The following CDH13 variants were observed in gnomAD, a reference collection of about 807,000 sequenced individuals.
The protein encoded by CDH13 is cadherin 13.
Under a neutral mutation model 63.8 loss-of-function variants are expected in CDH13, and 24 were observed. The ratio of observed to expected loss-of-function variants is 0.38; its 90% confidence interval spans 0.27 to 0.53. CDH13 has a LOEUF of 0.53. CDH13 is among the 20% of genes least tolerant of loss of function. The pLI, the probability that CDH13 is intolerant of heterozygous loss-of-function variation, is 0.85. For synonymous variants in CDH13, 503 were observed against 355.3 expected (o/e 1.42, Z -4.67); for missense variants, 1,049 against 903.1 (o/e 1.16, Z -2.07).
intron 2 of CDH13, among the ~76,000 whole-genome samples, chr16:82,891,113 G>A (rs1330112267): frequency 6.8e-6 from 1 of 147,432 alleles, no homozygotes; most frequent in East Asian, 2.0e-4. Flanking sequence ...CAGAACTCAT[G>A]TCATACTGCC....
intron 1 of CDH13, among the ~76,000 whole-genome samples, chr16:82,796,504 C>A (rs1221362175): frequency 6.6e-6 from 1 of 152,188 alleles, no homozygotes; most frequent in Admixed American, 6.5e-5. Context: ...ACCCCACCAT[C>A]GTGGAATTTA....
At chr16:83,684,502 A>G (rs1567514345) in intron 10 of CDH13, among the ~76,000 whole-genome samples, 1 of 152,222 alleles carries the variant, frequency 6.6e-6, no homozygotes, top group Admixed American at 6.5e-5. Context: ...TGGTTACATT[A>G]GGGAGGCAGC....
chr16:82,912,739 C>T (rs564470067), intron 2 of CDH13, among the ~76,000 whole-genome samples: 30 of 152,164 alleles, frequency 2.0e-4, no homozygotes, highest in Non-Finnish European at 2.9e-4. Flanking sequence ...GTCAGGAGAT[C>T]GAAACCATCC....
At chr16:83,215,914 C>G (rs2039489434) in intron 4 of CDH13, among the ~76,000 whole-genome samples, 1 of 152,084 alleles carries the variant, frequency 6.6e-6, no homozygotes, top group Non-Finnish European at 1.5e-5. Context: ...TAGATGAATA[C>G]TTGAGGGTAA....
At chr16:83,614,344 G>A (rs1315206307) in intron 8 of CDH13, among the ~76,000 whole-genome samples, 2 of 152,142 alleles carry the variant, frequency 1.3e-5, no homozygotes, top group Non-Finnish European at 2.9e-5. Flanking sequence ...TGAAAGTCTG[G>A]TATGTTTCCA....
At chr16:83,524,619 A>G (rs1427699085) in intron 7 of CDH13, among the ~76,000 whole-genome samples, 1 of 151,588 alleles carries the variant, frequency 6.6e-6, no homozygotes, top group African/African-American at 2.4e-5. Context: ...CACCCAGCTA[A>G]TTTTTTGTAC....
At chr16:83,768,191 A>T (rs1914526293) in intron 11 of CDH13, among the ~76,000 whole-genome samples, 1 of 152,180 alleles carries the variant, frequency 6.6e-6, no homozygotes, top group Non-Finnish European at 1.5e-5. Flanking sequence ...AATTAGGATC[A>T]CACTATGTTT....
chr16:83,410,102 G>T (rs1363940887), intron 6 of CDH13, among the ~76,000 whole-genome samples: 2 of 152,166 alleles, frequency 1.3e-5, no homozygotes, highest in African/African-American at 4.8e-5. Flanking sequence ...CACAAATCCT[G>T]TTAACAGGTA....
At chr16:83,731,961 A>G (rs1257130720) in intron 10 of CDH13, among the ~76,000 whole-genome samples, 3 of 152,282 alleles carry the variant, frequency 2.0e-5, no homozygotes, top group African/African-American at 7.2e-5. Context: ...TTAAATAACA[A>G]GGCTGAAAGT....
chr16:82,706,828 A>T (rs2031534001), intron 1 of CDH13, among the ~76,000 whole-genome samples: 2 of 152,082 alleles, frequency 1.3e-5, no homozygotes, highest in Non-Finnish European at 2.9e-5. Flanking sequence ...ATAAAAAAGA[A>T]GTATAGAGGT....
chr16:82,745,178 C>T (rs936511183), intron 1 of CDH13, among the ~76,000 whole-genome samples: 2 of 152,176 alleles, frequency 1.3e-5, no homozygotes, highest in Admixed American at 6.5e-5. Context: ...GTTACCCCCT[C>T]AGACTCAGGC....
intron 3 of CDH13, among the ~76,000 whole-genome samples, chr16:83,112,234 C>G (rs1420601273): frequency 6.6e-6 from 1 of 152,210 alleles, no homozygotes; most frequent in Non-Finnish European, 1.5e-5. Flanking sequence ...TCAGTTAGGG[C>G]AGGCTAATTA....
At chr16:83,540,748 C>A (rs2075283395) in intron 7 of CDH13, among the ~76,000 whole-genome samples, 1 of 152,152 alleles carries the variant, frequency 6.6e-6, no homozygotes, top group South Asian at 2.1e-4. Context: ...GTAATTGCGG[C>A]AGTCAGCCAC....
chr16:83,144,030 G>C (rs894759347), intron 4 of CDH13, among the ~76,000 whole-genome samples: 7 of 152,048 alleles, frequency 4.6e-5, no homozygotes, highest in African/African-American at 1.4e-4. Context: ...CCTGGGCCCT[G>C]TTTGTTCTTG....
chr16:83,518,024 G>A (rs1265141148), intron 7 of CDH13, among the ~76,000 whole-genome samples: 1 of 152,166 alleles, frequency 6.6e-6, no homozygotes, highest in African/African-American at 2.4e-5. Flanking sequence ...ACCTTGAATT[G>A]TAGTTGTCAT....
chr16:82,811,888 A>C (rs145743363), intron 1 of CDH13, among the ~76,000 whole-genome samples: 1 of 152,178 alleles, frequency 6.6e-6, no homozygotes, highest in African/African-American at 2.4e-5. Context: ...TTTAGGGAAG[A>C]TGACCATGAG....
intron 7 of CDH13, among the ~76,000 whole-genome samples, chr16:83,549,660 AAAAC>A (rs2075454915): frequency 6.6e-6 from 1 of 152,232 alleles, no homozygotes; most frequent in South Asian, 2.1e-4. Flanking sequence ...AAAAAAAGCA[AAAAC>A]AAACAAAAAA....
At chr16:83,752,051 A>C (rs563392143) in intron 11 of CDH13, among the ~76,000 whole-genome samples, 55 of 152,402 alleles carry the variant, frequency 3.6e-4, no homozygotes, top group Non-Finnish European at 7.1e-4. Context: ...GGATGAAAAT[A>C]AGCCAAGATT....
chr16:82,689,375 A>G (rs766007720), intron 1 of CDH13, among the ~76,000 whole-genome samples: 43 of 152,186 alleles, frequency 2.8e-4, no homozygotes, highest in African/African-American at 8.7e-4. Context: ...CAGAAAGCCA[A>G]TGTTATCATT....
Sources: gnomAD v4.1 joint callset for allele counts (sites outside exome capture counted in the v4.1 genomes callset) on GRCh38, gnomAD v4.1.1 for gene constraint, MANE v1.5 for transcripts, NCBI Gene and HGNC (gene_info 2026-07-23, HGNC 2026-07-21) for gene names.